The following NARF variants were observed in gnomAD, a reference collection of about 807,000 sequenced individuals.
NARF encodes the protein iron-only hydrogenase-like protein 2.
Under a neutral mutation model 48.0 loss-of-function variants are expected in NARF, and 41 were observed. The ratio of observed to expected loss-of-function variants is 0.85; its 90% confidence interval spans 0.66 to 1.11. The LOEUF is 1.11. NARF is among the 50% of genes least tolerant of loss of function. NARF has a pLI of 0.00. For synonymous variants in NARF, 215 were observed against 225.5 expected, an observed-to-expected ratio of 0.95 and a Z score of 0.42; for missense variants, 613 against 590.2, an observed-to-expected ratio of 1.04 and a Z score of -0.40.
upstream of NARF, chr17:82,458,725 G>A: frequency 7.0e-7 from 1 of 1,436,394 alleles, no homozygotes; most frequent in South Asian, 1.4e-5. Flanking sequence ...AAGGGCCGCG[G>A]GCGGCGGGCA....
intron 3 of NARF, among the ~76,000 whole-genome samples, chr17:82,466,367 A>G (rs538419688): frequency 5.3e-5 from 8 of 152,062 alleles, no homozygotes; most frequent in Non-Finnish European, 8.8e-5. Flanking sequence ...GATGATGTTT[A>G]TTGACAGTTT....
At chr17:82,468,550 G>C in intron 3 of NARF, 1 of 520,106 alleles carries the variant, frequency 1.9e-6, no homozygotes, top group Non-Finnish European at 3.3e-6. Context: ...TTTAAATCCT[G>C]ACTTTTAAAA....
Position 82,481,069 on chromosome 17 carries a change from C to T in NARF, c.640-13C>T, listed in dbSNP as rs190620910. On this transcript the variant is annotated splice_polypyrimidine_tract_variant and intron_variant, in intron 6 of 10. Transcript: ENST00000309794. ...CTTCACCAGCCCTAAATATGGGTGC[C>T]CCTCTCCCACAGAACCTGTCTCCAG... The T allele has an allele frequency of 3.1e-6, 5 of 1,614,050 alleles. No individual in the cohort carries two copies. In the East Asian group the frequency reaches 8.9e-5, roughly 29 times the overall value.
intron 3 of NARF, among the ~76,000 whole-genome samples, chr17:82,467,483 T>A (rs1277481928): frequency 2.6e-5 from 4 of 152,020 alleles, no homozygotes; most frequent in African/African-American, 7.2e-5. Context: ...ACTTTTTTTT[T>A]ATTTTTTTAT....
intron 3 of NARF, among the ~76,000 whole-genome samples, chr17:82,466,946 G>A (rs1384788769): frequency 6.6e-6 from 1 of 151,786 alleles, no homozygotes; most frequent in African/African-American, 2.4e-5. Flanking sequence ...ACCTGCCTTG[G>A]CCTCCCAAAG....
intron 3 of NARF, among the ~76,000 whole-genome samples, chr17:82,465,223 G>A (rs1348159020): frequency 6.6e-6 from 1 of 152,128 alleles, no homozygotes; most frequent in Non-Finnish European, 1.5e-5. Flanking sequence ...TGGGAGATCC[G>A]CCCCCATGAC....
intron 6 of NARF, 107 bp from the exon 7 acceptor site, chr17:82,480,975 G>A (rs1040536235): frequency 1.4e-6 from 2 of 1,397,018 alleles, no homozygotes; most frequent in Non-Finnish European, 2.0e-6. Flanking sequence ...TGTCTGGAGG[G>A]CAGCAGCAGG....
Position 82,485,534 on chromosome 17 carries a change from G to A in NARF, c.1009G>A (p.Gly337Arg), listed in dbSNP as rs142485195. ...CCAAGAGGTCACCCTTGAGAAGAAC[G>A]GAGAGGTGGTGTTACGCTTTGCTGC... The part of the protein sequence containing the change: ...DFQEVTLEKN[G>R]EVVLRFAAAY... The change falls in exon 10 of 11, where the codon GGA (glycine) becomes AGA (arginine). Residue 337 changes from glycine (G) to arginine (R), a missense_variant. Coordinates refer to ENST00000309794, the MANE Select transcript of NARF (RefSeq NM_012336.4). 35 of 1,614,252 alleles carry A rather than the reference G, an allele frequency of 2.2e-5. No individual in the cohort carries two copies. Among genetic ancestry groups the A allele is most frequent in the Non-Finnish European group, 3.0e-5 (35 of 1,180,046 alleles).
chr17:82,474,046 G>T (rs115315961), intron 5 of NARF, among the ~76,000 whole-genome samples: 4 of 152,172 alleles, frequency 2.6e-5, no homozygotes, highest in African/African-American at 9.6e-5. Flanking sequence ...AAAGCCAGGG[G>T]TGGTGGCAAG....
At chr17:82,478,729 A>C in intron 5 of NARF, 71 bp from the exon 6 acceptor site, 1 of 1,457,682 alleles carries the variant, frequency 6.9e-7, no homozygotes, top group Non-Finnish European at 9.6e-7. Flanking sequence ...CGAGCTCAGC[A>C]TTCCCTGGTG....
rs370939433 is a variant in NARF, at chr17:82,468,903, C to T, written c.385+7C>T. ...GGTTTCCTCAAAAGTCTTGGTGAGT[C>T]ATCTTTTGATAAATTGGGAATGTAT... is the stretch of plus-strand genomic sequence containing the variant. On this transcript the variant is annotated splice_region_variant and intron_variant, in intron 4 of 10. Coordinates refer to ENST00000309794, the MANE Select transcript of NARF (RefSeq NM_012336.4). 101 of 1,611,970 alleles carry T rather than the reference C, an allele frequency of 6.3e-5. No homozygotes were observed. Among genetic ancestry groups the T allele is most frequent in the Middle Eastern group, 1.6e-4 (1 of 6,080 alleles).
intron 4 of NARF, among the ~76,000 whole-genome samples, chr17:82,471,939 T>C (rs1368615548): frequency 6.6e-6 from 1 of 152,076 alleles, no homozygotes; most frequent in Non-Finnish European, 1.5e-5. Context: ...ATTTCATTAA[T>C]TTATATATGG....
upstream of NARF, chr17:82,458,722 G>A (rs1318144580): frequency 1.4e-6 from 2 of 1,426,870 alleles, no homozygotes; most frequent in Non-Finnish European, 1.8e-6. Context: ...ACAAAGGGCC[G>A]CGGGCGGCGG....
At chr17:82,464,804 T>G (rs1204907807) in intron 3 of NARF, among the ~76,000 whole-genome samples, 1 of 152,206 alleles carries the variant, frequency 6.6e-6, no homozygotes, top group Non-Finnish European at 1.5e-5. Context: ...ACGAGAGTTA[T>G]GTTCTAATAG....
intron 2 of NARF, chr17:82,460,778 A>T (rs1362379064): frequency 6.6e-6 from 1 of 152,312 alleles, no homozygotes; most frequent in Admixed American, 6.5e-5. Context: ...ACTGAAATAA[A>T]CTTGAAGGGG....
chr17:82,478,707 G>A, intron 5 of NARF, 93 bp from the exon 6 acceptor site: 1 of 1,273,072 alleles, frequency 7.9e-7, no homozygotes, highest in East Asian at 2.3e-5. Context: ...TCACCCTGGG[G>A]CGGCAGGGAC....
intron 5 of NARF, among the ~76,000 whole-genome samples, chr17:82,475,394 A>T (rs560677398): frequency 6.6e-6 from 1 of 152,084 alleles, no homozygotes; most frequent in South Asian, 2.1e-4. Context: ...AGGTCAGGAG[A>T]TTGAGACCAT....
intron 4 of NARF, 90 bp downstream of exon 4, chr17:82,468,986 G>C: frequency 1.4e-6 from 2 of 1,439,374 alleles, no homozygotes; most frequent in Non-Finnish European, 1.9e-6. Context: ...AAGGACGCAG[G>C]GTAGATAAGC....
chr17:82,474,593 C>T (rs763571681), intron 5 of NARF, among the ~76,000 whole-genome samples: 13 of 152,182 alleles, frequency 8.5e-5, no homozygotes, highest in Admixed American at 7.9e-4. Flanking sequence ...GTTTGGTTCA[C>T]GTTTCAGTTC....
Sources: gnomAD v4.1 joint callset for allele counts (sites outside exome capture counted in the v4.1 genomes callset) on GRCh38, gnomAD v4.1.1 for gene constraint, MANE v1.5 for transcripts, NCBI Gene and HGNC (gene_info 2026-07-23, HGNC 2026-07-21) for gene names.